The following GOLGA4 variants were observed in gnomAD, a reference collection of about 807,000 sequenced individuals.
GOLGA4 encodes the protein golgin subfamily A member 4.
In GOLGA4, 169 loss-of-function variants were observed where a neutral mutation model predicts 265.9. That is an observed-to-expected ratio of 0.64 (90% CI 0.56 to 0.72). GOLGA4 has a LOEUF of 0.72. Among genes scored for constraint, GOLGA4 ranks in the 30% least tolerant of loss-of-function variants. The pLI is 0.00. For missense variants in GOLGA4, 2,482 were observed against 2,483.4 expected (o/e 1.00, Z 0.01); for synonymous variants, 923 against 855.8 (o/e 1.08, Z -1.37).
chr3:37,317,052 T>G (rs2150934639), intron 11 of GOLGA4, among the ~76,000 whole-genome samples: 1 of 152,330 alleles, frequency 6.6e-6, no homozygotes, highest in South Asian at 2.1e-4. Context: ...GATACCCCAT[T>G]TATTTTAAAG....
Position 37,327,161 on chromosome 3 carries a change from A to G in GOLGA4, c.5275A>G (p.Lys1759Glu), listed in dbSNP as rs1020277253. 7.4e-6 allele frequency: 12 copies of G among 1,613,798 alleles called. 1 individual carries two copies. In the South Asian group the frequency reaches 1.3e-4, roughly 18 times the overall value. The change falls in exon 14 of 24, where the codon AAA (lysine) becomes GAA (glutamate). Residue 1759 changes from lysine to glutamate, a missense_variant. Lys to Glu is a moderately conservative substitution (Grantham distance 56). This residue lies in a region of GOLGA4 where 942 missense variants were observed against 983.1 expected (regional missense o/e 0.96). Coordinates refer to ENST00000361924, the MANE Select transcript of GOLGA4 (RefSeq NM_002078.5). The stretch of plus-strand genomic sequence containing the variant: ...GCTATTGCAGAGGGTAGGGCAGGAA[A>G]AAGAAGAGACAGTTTCTTCTCATTT... ...EKLLQRVGQE[K>E]EETVSSHFEM...
intron 22 of GOLGA4, among the ~76,000 whole-genome samples, chr3:37,355,856 G>C (rs1322158967): frequency 6.6e-6 from 1 of 151,934 alleles, no homozygotes; most frequent in Non-Finnish European, 1.5e-5. Flanking sequence ...CTCTCTTTCT[G>C]CTTCTTTTCC....
chr3:37,247,579 G>T (rs2096722926), intron 1 of GOLGA4, among the ~76,000 whole-genome samples: 1 of 152,286 alleles, frequency 6.6e-6, no homozygotes, highest in South Asian at 2.1e-4. Context: ...TTCTAATATT[G>T]CATAACAAGT....
chr3:37,345,806 G>A (rs1406750202), intron 20 of GOLGA4, among the ~76,000 whole-genome samples: 2 of 152,074 alleles, frequency 1.3e-5, no homozygotes, highest in African/African-American at 4.8e-5. Context: ...AATTAGCCAG[G>A]CATGGTGGTG....
chr3:37,362,243 T>A lies in GOLGA4; in HGVS notation c.*33+938T>A, dbSNP rs11709735. 9.7e-3 allele frequency among the ~76,000 whole-genome samples: 1,131 copies of A among 116,464 alleles called. 8 individuals carry two copies. Among genetic ancestry groups the A allele is most frequent in the Middle Eastern group, 0.041 (10 of 244 alleles). 76.4% of individuals were successfully genotyped at this position (116,464 alleles called of 152,430 possible). A position where few individuals can be genotyped will look rare whatever the true frequency, so the allele number is the denominator to read the frequency against. On this transcript the variant is annotated intron_variant, in intron 23 of 23. Coordinates refer to ENST00000361924, the MANE Select transcript of GOLGA4 (RefSeq NM_002078.5). Reference sequence around the variant, plus strand: ...TTTATTTATTTATTTATTTATTATTTTTTTTTTTTTTGAGACGGAGTCTCG... The same window carrying A: ...TTTATTTATTTATTTATTTATTATTATTTTTTTTTTTGAGACGGAGTCTCG...
intron 10 of GOLGA4, among the ~76,000 whole-genome samples, chr3:37,308,024 A>C (rs1321193520): frequency 6.6e-6 from 1 of 152,190 alleles, no homozygotes; most frequent in African/African-American, 2.4e-5. Context: ...ACCTGAGGTC[A>C]GGAGTTCAAG....
chr3:37,251,878 C>T (rs1009416498), intron 2 of GOLGA4, among the ~76,000 whole-genome samples: 6 of 152,110 alleles, frequency 3.9e-5, no homozygotes, highest in African/African-American at 1.4e-4. Context: ...GACGGGGTCC[C>T]ACTATGTTGC....
chr3:37,358,394 T>A (rs1195422491), intron 22 of GOLGA4, among the ~76,000 whole-genome samples: 3 of 152,076 alleles, frequency 2.0e-5, no homozygotes, highest in Admixed American at 1.3e-4. Context: ...GTTTTCAGAG[T>A]TTAACCTAGT....
chr3:37,272,184 C>T (rs1161452354), intron 2 of GOLGA4, among the ~76,000 whole-genome samples: 1 of 151,956 alleles, frequency 6.6e-6, no homozygotes, highest in East Asian at 1.9e-4. Flanking sequence ...ATCCCTGCAC[C>T]CCCGGTCTGT....
intron 15 of GOLGA4, 120 bp from the exon 16 acceptor site, chr3:37,328,843 C>T: frequency 1.2e-6 from 1 of 837,082 alleles, no homozygotes; most frequent in Non-Finnish European, 1.8e-6. Context: ...TCTTAAAATG[C>T]TTATATAAAA....
At chr3:37,292,450 G>C (rs578203051) in intron 5 of GOLGA4, among the ~76,000 whole-genome samples, 1 of 152,318 alleles carries the variant, frequency 6.6e-6, no homozygotes, top group South Asian at 2.1e-4. Flanking sequence ...CACTTTGGGA[G>C]GCTGAGGCAG....
intron 21 of GOLGA4, among the ~76,000 whole-genome samples, chr3:37,351,221 C>G (rs1213367885): frequency 6.6e-6 from 1 of 152,120 alleles, no homozygotes; most frequent in African/African-American, 2.4e-5. Context: ...CAAGAAACCA[C>G]TTCTTTGTTC....
intron 2 of GOLGA4, among the ~76,000 whole-genome samples, chr3:37,268,571 T>C (rs1003528545): frequency 1.3e-5 from 2 of 151,946 alleles, no homozygotes; most frequent in Non-Finnish European, 2.9e-5. Flanking sequence ...CTTTAAAACC[T>C]TTTTTTTCTT....
rs762203650 is a variant in GOLGA4 at position 37,327,689 on chromosome 3, G to A, written c.5803G>A (p.Ala1935Thr). 2.5e-6 allele frequency: 4 copies of A among 1,613,980 alleles called. No homozygotes were observed. Among genetic ancestry groups the A allele is most frequent in the East Asian group, 2.2e-5 (1 of 44,872 alleles). Reference protein sequence around the residue: ...HNDLEFKLAGAEREKQKLGKE... With the variant: ...HNDLEFKLAGTEREKQKLGKE... ...TGATCTGGAGTTTAAATTAGCCGGG[G>A]CAGAACGGGAGAAACAGAAACTGGG... The change falls in exon 14 of 24, where the codon GCA becomes ACA. Residue 1935 changes from alanine to threonine, a missense_variant. Transcript: ENST00000361924.
chr3:37,281,956 A>G lies in GOLGA4; in HGVS notation c.163-2A>G, dbSNP rs949291437. ...ACACATTCTGTTGGGTTTTGGTTGC[A>G]GTCAGGTGACACACAGTCTTTTGCA... On this transcript the variant is annotated splice_acceptor_variant, in intron 2 of 23. Transcript: ENST00000361924. LOFTEE classifies it high-confidence loss of function. 1.9e-6 allele frequency: 3 copies of G among 1,604,684 alleles called. No homozygotes were observed. In the African/African-American group the frequency reaches 4.0e-5, roughly 22 times the overall value.
Position 37,347,285 on chromosome 3 carries a change from C to T in GOLGA4, c.6565C>T (p.Arg2189Cys). Residue 2189 changes from arginine to cysteine, a missense_variant, in exon 21 of 24, where the codon CGT becomes TGT. By Grantham distance (180) the Arg-to-Cys change is radical. Transcript: ENST00000361924. The part of the protein sequence containing the change: ...RKVLFEYMMG[R>C]ETKTMAKVIT... ...AGTGCTTTTTGAGTATATGATGGGT[C>T]GTGAGACTAAGGTATAAATCATGTC... is the stretch of plus-strand genomic sequence containing the variant. 1.9e-6 allele frequency: 3 copies of T among 1,575,486 alleles called. No homozygotes were observed. The highest frequency in any genetic ancestry group is 2.2e-5 in the East Asian group (1 of 44,600).
In GOLGA4 at chr3:37,281,914, T is replaced by C. The variant is rs774516754; in HGVS notation, c.163-44T>C. 1.4e-5 allele frequency: 19 copies of C among 1,359,874 alleles called. No homozygotes were observed. In the South Asian group the frequency reaches 2.5e-4, roughly 18 times the overall value. The allele number at this position is 1,359,874 out of a possible 1,614,324, so 84.2% of individuals were successfully genotyped here. Reference sequence around the variant, plus strand: ...GGTGATGGGGTAATGGAAGTCTAAATGTATGTATTTTAATCCACACATTCT... The same window carrying C: ...GGTGATGGGGTAATGGAAGTCTAAACGTATGTATTTTAATCCACACATTCT... On this transcript the variant is annotated intron_variant, in intron 2 of 23. Coordinates refer to ENST00000361924, the MANE Select transcript of GOLGA4 (RefSeq NM_002078.5).
chr3:37,321,492 A>G, intron 12 of GOLGA4: 1 of 394,178 alleles, frequency 2.5e-6, no homozygotes, highest in South Asian at 6.0e-5. Context: ...AATAGCAGAC[A>G]TAGTGGGGTT....
rs188839847 is a variant in GOLGA4 at position 37,299,342 on chromosome 3, A to G, written c.1057A>G (p.Asn353Asp). ...TATCACTCAGTTGCGTGATGCAAAG[A>G]ACTTAATTGAACAGCTTGAACAAGA... ...KLITQLRDAK[N>D]LIEQLEQDKG... Residue 353 changes from asparagine (N) to aspartate (D), a missense_variant, in exon 9 of 24, where the codon AAC (asparagine) becomes GAC (aspartate). Physicochemically the swap from Asn to Asp is conservative, Grantham distance 23 (BLOSUM62 1). Coordinates refer to ENST00000361924, the MANE Select transcript of GOLGA4 (RefSeq NM_002078.5). The G allele has an allele frequency of 1.2e-4, 198 of 1,612,746 alleles. 1 individual carries two copies. The East Asian group carries it at 4.3e-3, about 35-fold the overall frequency.
Sources: allele counts gnomAD v4.1 joint callset (sites outside exome capture counted in the v4.1 genomes callset), GRCh38; gene constraint gnomAD v4.1.1; regional missense constraint gnomAD v4.1.1; transcripts MANE v1.5; gene names NCBI Gene and HGNC (gene_info 2026-07-23, HGNC 2026-07-21).